The following C10orf67 variants were observed in gnomAD, a reference collection of about 807,000 sequenced individuals.
The protein encoded by C10orf67 is uncharacterized protein C10orf67, mitochondrial.
C10orf67 carries 60 observed loss-of-function variants against 35.6 expected under a neutral mutation model. The observed-to-expected ratio is 1.68, with a 90% CI of 1.37 to 2.09. The LOEUF (loss-of-function observed/expected upper bound fraction) is 2.09. C10orf67 is among the 30% of genes most tolerant of loss of function. The pLI is 0.00. For synonymous variants in C10orf67, 167 were observed against 115.8 expected (o/e 1.44, Z -2.84); for missense variants, 474 against 330.2 (o/e 1.44, Z -3.38).
At chr10:23,236,253 G>GAAAAAAAAAAA (rs368833212) in intron 13 of C10orf67, among the ~76,000 whole-genome samples, 12 of 75,800 alleles carry the variant, frequency 1.6e-4, no homozygotes, top group African/African-American at 7.2e-4. Flanking sequence ...CCTCTCGGGG[G>GAAAAAAAAAAA]AAAAAAAAAA....
At chr10:23,249,652 G>A (rs1417583138) in intron 12 of C10orf67, among the ~76,000 whole-genome samples, 2 of 152,202 alleles carry the variant, frequency 1.3e-5, no homozygotes, top group Admixed American at 1.3e-4. Flanking sequence ...GATCCATAGT[G>A]TGTGTTTAAG....
At chr10:23,207,224 T>C (rs1388815934) in intron 15 of C10orf67, among the ~76,000 whole-genome samples, 1 of 151,722 alleles carries the variant, frequency 6.6e-6, no homozygotes, top group African/African-American at 2.4e-5. Flanking sequence ...GACTATCACA[T>C]GAAAAATCCC....
intron 1 of C10orf67, among the ~76,000 whole-genome samples, chr10:23,334,393 A>G (rs918474064): frequency 2.0e-5 from 3 of 152,236 alleles, no homozygotes; most frequent in African/African-American, 7.2e-5. Context: ...TGTCAGCTAA[A>G]ATAAGAGAAC....
intron 4 of C10orf67, among the ~76,000 whole-genome samples, chr10:23,304,976 G>A (rs988447831): frequency 1.3e-5 from 2 of 152,122 alleles, no homozygotes; most frequent in Non-Finnish European, 2.9e-5. Flanking sequence ...CAGCAGCCAC[G>A]TAACTCGGCT....
At chr10:23,223,267 T>G (rs1456758049) in intron 15 of C10orf67, among the ~76,000 whole-genome samples, 1 of 151,950 alleles carries the variant, frequency 6.6e-6, no homozygotes, top group Non-Finnish European at 1.5e-5. Context: ...TTTTTTTTTG[T>G]AGAGGTAGAG....
chr10:23,342,218 C>CCCCACA lies in C10orf67; in HGVS notation c.206+2350_206+2351insTGTGGG, dbSNP rs1554819311. Among the ~76,000 whole-genome samples the CCCCACA allele has an allele frequency of 1.5e-4, 22 of 149,692 alleles. No homozygotes were observed. The South Asian group carries it at 4.2e-3, about 29-fold the overall frequency. On this transcript the variant is annotated intron_variant, in intron 1 of 15. Transcript: ENST00000636213. ...TAAATCACAGCTCCCTCCCCACTTG[C>CCCCACA]CACACACACACACACACACACACTC...
chr10:23,302,751 C>G (rs1844127562), intron 5 of C10orf67, among the ~76,000 whole-genome samples: 1 of 152,182 alleles, frequency 6.6e-6, no homozygotes, highest in African/African-American at 2.4e-5. Context: ...TTCTTTCTGC[C>G]TTCTCAGTCA....
Position 23,227,008 on chromosome 10 carries a change from G to T in C10orf67, c.1435-3190C>A, listed in dbSNP as rs565282281. Among the ~76,000 whole-genome samples the T allele has an allele frequency of 6.2e-4, 94 of 152,248 alleles. 1 individual carries two copies. Among genetic ancestry groups the T allele is most frequent in the African/African-American group, 2.2e-3 (91 of 41,554 alleles). ...GGATTCACAGCCAAATTCTGCCAGA[G>T]GTTCAAGGAGGAGCTGGAACCATTC... is the stretch of plus-strand genomic sequence containing the variant. On this transcript the variant is annotated intron_variant, in intron 13 of 15. Coordinates refer to ENST00000636213, the MANE Select transcript of C10orf67 (RefSeq NM_001371909.1).
intron 10 of C10orf67, among the ~76,000 whole-genome samples, chr10:23,255,224 T>C (rs891816340): frequency 6.6e-6 from 1 of 152,160 alleles, no homozygotes; most frequent in Non-Finnish European, 1.5e-5. Context: ...GCTGAAACAG[T>C]AGTCATGACG....
chr10:23,263,698 T>C (rs960649561), intron 10 of C10orf67, among the ~76,000 whole-genome samples: 5 of 152,192 alleles, frequency 3.3e-5, no homozygotes, highest in Non-Finnish European at 5.9e-5. Flanking sequence ...AAGTCCTCCA[T>C]GGAAGCATGT....
At chr10:23,301,250 C>T (rs544737724) in intron 5 of C10orf67, among the ~76,000 whole-genome samples, 1 of 152,170 alleles carries the variant, frequency 6.6e-6, no homozygotes, top group Non-Finnish European at 1.5e-5. Context: ...CAGGTTTCTG[C>T]CTCTAGTCGG....
intron 2 of C10orf67, among the ~76,000 whole-genome samples, chr10:23,329,797 C>CAAAAAAAAAAAAAAAAAA (rs398013008): frequency 6.0e-4 from 29 of 48,066 alleles, no homozygotes; most frequent in African/African-American, 1.5e-3. Context: ...GAACTTGTCT[C>CAAAAAAAAAAAAAAAAAA]AAAAAAAAAA....
intron 12 of C10orf67, among the ~76,000 whole-genome samples, chr10:23,244,024 TG>T (rs969922207): frequency 1.3e-5 from 2 of 152,180 alleles, no homozygotes; most frequent in Admixed American, 6.5e-5. Context: ...CCCATGTAAC[TG>T]GGACCACAGG....
At chr10:23,231,788 T>C (rs1049362839) in intron 13 of C10orf67, among the ~76,000 whole-genome samples, 16 of 152,192 alleles carry the variant, frequency 1.1e-4, no homozygotes, top group Middle Eastern at 3.2e-3. Flanking sequence ...AAATAAGTTG[T>C]GGTATATTCG....
rs1373764466 is a variant in C10orf67 at position 23,204,005 on chromosome 10, A to G, written c.*168T>C. On this transcript the variant is annotated 3_prime_UTR_variant, in exon 16 of 16. Transcript: ENST00000636213. ...AGGAGCGCGCACAAGGCGCGCATTG[A>G]GGTCTATTCGAGCGCAGTGCTGGTT... is the stretch of plus-strand genomic sequence containing the variant. 1 of 382,896 alleles carries G rather than the reference A, an allele frequency of 2.6e-6. No homozygotes were observed. The highest frequency in any genetic ancestry group is 2.1e-5 in the African/African-American group (1 of 48,116). The allele number at this position is 382,896 out of a possible 1,614,324, so 23.7% of individuals were successfully genotyped here. A position where few individuals can be genotyped will look rare whatever the true frequency, so the allele number is the denominator to read the frequency against.
chr10:23,209,154 T>A (rs1281427351), intron 15 of C10orf67, among the ~76,000 whole-genome samples: 1 of 152,142 alleles, frequency 6.6e-6, no homozygotes, highest in South Asian at 2.1e-4. Flanking sequence ...ACGAATGGTC[T>A]TGTAGGCTAA....
chr10:23,221,770 T>A (rs1023860559), intron 15 of C10orf67, among the ~76,000 whole-genome samples: 4 of 152,250 alleles, frequency 2.6e-5, no homozygotes, highest in African/African-American at 9.6e-5. Context: ...TCAGCTTTCC[T>A]CTTAACATGC....
At chr10:23,257,424 A>C (rs1842631042) in intron 10 of C10orf67, among the ~76,000 whole-genome samples, 1 of 152,182 alleles carries the variant, frequency 6.6e-6, no homozygotes. Flanking sequence ...GACAGGTTCT[A>C]TAAGCTGAGG....
chr10:23,216,899 T>A (rs949336188), intron 15 of C10orf67, among the ~76,000 whole-genome samples: 5 of 152,174 alleles, frequency 3.3e-5, no homozygotes, highest in African/African-American at 1.2e-4. Context: ...TGATATCAAC[T>A]CAGTCTTCAT....
Sources: allele counts gnomAD v4.1 joint callset (sites outside exome capture counted in the v4.1 genomes callset), GRCh38; gene constraint gnomAD v4.1.1; transcripts MANE v1.5; gene names NCBI Gene and HGNC (gene_info 2026-07-23, HGNC 2026-07-21).